Variants in NF1 observed in about 807,000 individuals in gnomAD.
NF1 encodes the protein neurofibromin.
A neutral mutation model predicts 325.7 loss-of-function variants in NF1; 122 were observed. That is an observed-to-expected ratio of 0.37 (90% CI 0.32 to 0.44). The LOEUF (loss-of-function observed/expected upper bound fraction) is 0.44, where lower values mean the gene tolerates loss of function less well. Among genes scored for constraint, NF1 ranks in the 20% least tolerant of loss-of-function variants. NF1 has a pLI of 1.00. For missense variants in NF1, 2,140 were observed against 3,415.4 expected, an observed-to-expected ratio of 0.63 and a Z score of 9.31; for synonymous variants, 1,091 against 1,186.0, an observed-to-expected ratio of 0.92 and a Z score of 1.65.
At chr17:31,351,858 G>A (rs1258937118) in intron 50 of NF1, among the ~76,000 whole-genome samples, 1 of 151,578 alleles carries the variant, frequency 6.6e-6, no homozygotes, top group African/African-American at 2.4e-5. Flanking sequence ...TGATTTTTTG[G>A]GGTTTTTTTT....
intron 12 of NF1, among the ~76,000 whole-genome samples, chr17:31,212,808 T>A (rs2066752179): frequency 6.6e-6 from 1 of 152,216 alleles, no homozygotes; most frequent in South Asian, 2.1e-4. Flanking sequence ...ATACTTTTTT[T>A]TTATATGACT....
intron 1 of NF1, among the ~76,000 whole-genome samples, chr17:31,129,135 T>C (rs1378499103): frequency 6.6e-6 from 1 of 152,178 alleles, no homozygotes; most frequent in Non-Finnish European, 1.5e-5. Flanking sequence ...TTGTGAAATA[T>C]TTTGTGGGAG....
At chr17:31,228,986 A>G in intron 20 of NF1, 39 bp from the exon 21 acceptor site, 4 of 1,514,940 alleles carry the variant, frequency 2.6e-6, no homozygotes, top group Non-Finnish European at 3.6e-6. Context: ...CAACTAATTA[A>G]GGTTTAATTC....
chr17:31,251,364 T>A (rs888758821), intron 30 of NF1: 2 of 204,274 alleles, frequency 9.8e-6, no homozygotes, highest in Non-Finnish European at 2.0e-5. Context: ...TGAGTTCATA[T>A]CTTGGCCTTT....
At chr17:31,362,464 G>T in intron 57 of NF1, 5 of 476,208 alleles carry the variant, frequency 1.0e-5, no homozygotes, top group East Asian at 1.5e-4. Context: ...TAGAACCAAG[G>T]CCAGGCCCTT....
intron 36 of NF1, among the ~76,000 whole-genome samples, chr17:31,319,364 T>C (rs990254362): frequency 6.0e-5 from 9 of 150,184 alleles, no homozygotes; most frequent in African/African-American, 2.2e-4. Context: ...ACTTTTCTGA[T>C]TCCTTCTTTA....
chr17:31,242,011 C>A (rs2067304054), intron 29 of NF1, among the ~76,000 whole-genome samples: 1 of 151,744 alleles, frequency 6.6e-6, no homozygotes, highest in Non-Finnish European at 1.5e-5. Context: ...GGATACTGTT[C>A]TAAGGTAAAA....
intron 35 of NF1, among the ~76,000 whole-genome samples, chr17:31,263,403 G>T (rs955932115): frequency 2.3e-4 from 35 of 151,542 alleles, no homozygotes; most frequent in African/African-American, 5.8e-4. Flanking sequence ...TTCCAGCCTA[G>T]GTGACAGAAT....
intron 1 of NF1, among the ~76,000 whole-genome samples, chr17:31,106,668 G>A (rs1412737798): frequency 2.0e-5 from 3 of 152,168 alleles, no homozygotes; most frequent in Non-Finnish European, 4.4e-5. Context: ...AAGTTGGTTA[G>A]ATGTTAGAAA....
chr17:31,290,452 C>T (rs2151493752), intron 36 of NF1, among the ~76,000 whole-genome samples: 1 of 152,302 alleles, frequency 6.6e-6, no homozygotes, highest in East Asian at 1.9e-4. Context: ...TGAGAATTTA[C>T]TGTGTGCTAG....
chr17:31,172,979 A>G (rs929098813), intron 5 of NF1, among the ~76,000 whole-genome samples: 1 of 152,180 alleles, frequency 6.6e-6, no homozygotes, highest in South Asian at 2.1e-4. Context: ...GACCAGTTTG[A>G]TAGGTATTTA....
chr17:31,310,470 G>A (rs1249826999), intron 36 of NF1, among the ~76,000 whole-genome samples: 2 of 152,128 alleles, frequency 1.3e-5, no homozygotes, highest in African/African-American at 4.8e-5. Context: ...AGAAGCAACG[G>A]CAAAATGCTG....
chr17:31,127,984 G>A (rs1374379512), intron 1 of NF1, among the ~76,000 whole-genome samples: 2 of 151,764 alleles, frequency 1.3e-5, no homozygotes, highest in Non-Finnish European at 2.9e-5. Flanking sequence ...GTTTGGTTTT[G>A]TTTTTGGAAT....
intron 5 of NF1, among the ~76,000 whole-genome samples, chr17:31,180,777 A>C (rs1209942207): frequency 6.6e-6 from 1 of 152,230 alleles, no homozygotes; most frequent in East Asian, 1.9e-4. Flanking sequence ...AATAAAGGGT[A>C]TTCGGTTAGG....
intron 39 of NF1, among the ~76,000 whole-genome samples, chr17:31,333,306 T>C (rs1196785326): frequency 6.6e-6 from 1 of 152,252 alleles, no homozygotes; most frequent in Admixed American, 6.5e-5. Flanking sequence ...AGAATTAATG[T>C]TAAAATGTTT....
intron 36 of NF1, among the ~76,000 whole-genome samples, chr17:31,286,946 G>A (rs1018701054): frequency 6.6e-6 from 1 of 152,196 alleles, no homozygotes; most frequent in Non-Finnish European, 1.5e-5. Flanking sequence ...GAAGCATTCA[G>A]TATGTTTCAA....
intron 57 of NF1, among the ~76,000 whole-genome samples, chr17:31,371,256 A>C (rs953686962): frequency 6.6e-6 from 1 of 152,216 alleles, no homozygotes; most frequent in Non-Finnish European, 1.5e-5. Context: ...GCCTTTACTC[A>C]GTAGAGGAAG....
intron 11 of NF1, among the ~76,000 whole-genome samples, chr17:31,203,011 G>A (rs1232126468): frequency 6.6e-6 from 1 of 152,142 alleles, no homozygotes; most frequent in Non-Finnish European, 1.5e-5. Flanking sequence ...CTTAAAATTT[G>A]TATACAATAA....
chr17:31,354,694 G>A (rs561673280), intron 51 of NF1, among the ~76,000 whole-genome samples: 3 of 152,260 alleles, frequency 2.0e-5, no homozygotes, highest in East Asian at 1.9e-4. Flanking sequence ...AGCAATGGGA[G>A]AATGGAGAAG....
Sources: gnomAD v4.1 joint callset for allele counts (sites outside exome capture counted in the v4.1 genomes callset) on GRCh38, gnomAD v4.1.1 for gene constraint, MANE v1.5 for transcripts, NCBI Gene and HGNC (gene_info 2026-07-23, HGNC 2026-07-21) for gene names.